UST: variants seen among roughly 807,000 people sequenced by gnomAD.
UST encodes the protein chondroitin sulfate 2-O-sulfotransferase.
A neutral mutation model predicts 45.6 loss-of-function variants in UST; 21 were observed. That is an observed-to-expected ratio of 0.46 (90% confidence interval 0.33 to 0.66). The LOEUF is 0.66. UST is among the 30% of genes least tolerant of loss of function. The pLI, the probability that UST is intolerant of heterozygous loss-of-function variation, is 0.02. For synonymous variants in UST, 215 were observed against 200.6 expected (o/e 1.07, Z -0.61); for missense variants, 463 against 512.4 (o/e 0.90, Z 0.93).
chr6:148,928,917 G>A (rs1779871201), intron 2 of UST, among the ~76,000 whole-genome samples: 1 of 152,212 alleles, frequency 6.6e-6, no homozygotes, highest in Non-Finnish European at 1.5e-5. Flanking sequence ...GTCATTTTAT[G>A]TAGAAAGGAA....
At chr6:148,815,808 A>G (rs1423171318) in intron 1 of UST, among the ~76,000 whole-genome samples, 2 of 152,198 alleles carry the variant, frequency 1.3e-5, no homozygotes, top group African/African-American at 4.8e-5. Flanking sequence ...TCAGATTTAA[A>G]TAGTTGATTA....
rs191090931 is a variant in UST at position 148,765,555 on chromosome 6, A to G, written c.247+17878A>G. ...GCTCTACAAACAATTTGTGTAGTTAATACAATCGTCACAGGGTCCTGAGGT... is the reference window on the plus strand; with the variant it reads ...GCTCTACAAACAATTTGTGTAGTTAGTACAATCGTCACAGGGTCCTGAGGT... On this transcript the variant is annotated intron_variant, in intron 1 of 7. Coordinates refer to ENST00000367463, the MANE Select transcript of UST (RefSeq NM_005715.3). 3.5e-3 allele frequency among the ~76,000 whole-genome samples: 533 copies of G among 152,316 alleles called. 4 individuals are homozygous for G. Among genetic ancestry groups the G allele is most frequent in the Admixed American group, 5.8e-3 (88 of 15,294 alleles).
chr6:148,882,571 G>A (rs1000198676), intron 1 of UST, among the ~76,000 whole-genome samples: 1 of 151,852 alleles, frequency 6.6e-6, no homozygotes, highest in African/African-American at 2.4e-5. Context: ...GAAGGAATGG[G>A]GGAGGAGGAA....
At chr6:148,875,339 A>T (rs1286059366) in intron 1 of UST, among the ~76,000 whole-genome samples, 3 of 152,332 alleles carry the variant, frequency 2.0e-5, no homozygotes, top group Middle Eastern at 6.8e-3. Context: ...TAGTTCAGAT[A>T]ATTGGAAAAA....
intron 2 of UST, among the ~76,000 whole-genome samples, chr6:148,935,728 G>A (rs141268581): frequency 5.8e-4 from 88 of 152,246 alleles, no homozygotes; most frequent in African/African-American, 2.0e-3. Flanking sequence ...TACTTTGACC[G>A]CCTGTGATAT....
intron 3 of UST, among the ~76,000 whole-genome samples, chr6:148,951,912 TCTAA>T (rs1314462382): frequency 3.3e-5 from 5 of 152,348 alleles, no homozygotes; most frequent in African/African-American, 7.2e-5. Flanking sequence ...GTTCTCAAAA[TCTAA>T]CTACTACTAT....
chr6:149,004,991 A>G (rs759554357), intron 5 of UST, among the ~76,000 whole-genome samples: 16 of 131,526 alleles, frequency 1.2e-4, no homozygotes, highest in Non-Finnish European at 1.9e-4. Context: ...ATGAACCACT[A>G]TACCTCCAGC....
chr6:148,806,576 T>C (rs1297275128), intron 1 of UST, among the ~76,000 whole-genome samples: 1 of 151,936 alleles, frequency 6.6e-6, no homozygotes, highest in African/African-American at 2.4e-5. Flanking sequence ...TGACCTCAAG[T>C]GATCTGCCTG....
At chr6:148,765,742 A>G (rs1485508493) in intron 1 of UST, among the ~76,000 whole-genome samples, 1 of 152,116 alleles carries the variant, frequency 6.6e-6, no homozygotes, top group Non-Finnish European at 1.5e-5. Flanking sequence ...AGAAATTATA[A>G]AAGTATTAAT....
chr6:148,949,795 T>A (rs1780328622), intron 3 of UST, among the ~76,000 whole-genome samples: 1 of 152,142 alleles, frequency 6.6e-6, no homozygotes, highest in Admixed American at 6.5e-5. Flanking sequence ...CCTCACAGAA[T>A]TTACATTTCA....
chr6:148,983,138 C>G (rs1295693897), intron 5 of UST, among the ~76,000 whole-genome samples: 1 of 152,194 alleles, frequency 6.6e-6, no homozygotes. Flanking sequence ...AAGGGCTTTT[C>G]GCTTTAAAAA....
chr6:149,036,308 C>T (rs1360732980), intron 7 of UST, among the ~76,000 whole-genome samples: 1 of 152,344 alleles, frequency 6.6e-6, no homozygotes, highest in South Asian at 2.1e-4. Context: ...ACTCCCGAGC[C>T]ATGTCCCTTT....
intron 1 of UST, among the ~76,000 whole-genome samples, chr6:148,789,011 G>A (rs538527544): frequency 5.3e-5 from 8 of 152,284 alleles, no homozygotes; most frequent in African/African-American, 9.6e-5. Context: ...ATGCCTGCCC[G>A]TGAATGATAC....
In UST at chr6:148,896,527, A is replaced by T. The variant is rs140876578; in HGVS notation, c.291+9498A>T. Reference sequence around the variant, plus strand: ...ATGTGGTAAAAACCCACATTGTCTGATTTTCTTTGAAAAACAAAGAACTGG... The same window carrying T: ...ATGTGGTAAAAACCCACATTGTCTGTTTTTCTTTGAAAAACAAAGAACTGG... On this transcript the variant is annotated intron_variant, in intron 2 of 7. Coordinates refer to ENST00000367463, the MANE Select transcript of UST (RefSeq NM_005715.3). 3.0e-3 allele frequency among the ~76,000 whole-genome samples: 462 copies of T among 152,266 alleles called. 3 individuals are homozygous for T. The highest frequency in any genetic ancestry group is 0.011 in the African/African-American group (447 of 41,562).
intron 7 of UST, among the ~76,000 whole-genome samples, chr6:149,056,926 G>A (rs1489802552): frequency 6.6e-6 from 1 of 152,132 alleles, no homozygotes; most frequent in Non-Finnish European, 1.5e-5. Context: ...CGGCCTCCAT[G>A]AACAGCTGCT....
At chr6:148,819,014 A>C (rs1392324546) in intron 1 of UST, among the ~76,000 whole-genome samples, 1 of 152,180 alleles carries the variant, frequency 6.6e-6, no homozygotes, top group African/African-American at 2.4e-5. Flanking sequence ...GAAAAAAATG[A>C]GTTCAGACCT....
At chr6:148,881,190 T>A (rs922497340) in intron 1 of UST, among the ~76,000 whole-genome samples, 1 of 152,164 alleles carries the variant, frequency 6.6e-6, no homozygotes, top group Non-Finnish European at 1.5e-5. Context: ...TTTTGTCTCC[T>A]CCGCTTACCT....
intron 1 of UST, among the ~76,000 whole-genome samples, chr6:148,813,131 T>G (rs1278662512): frequency 2.0e-5 from 3 of 152,198 alleles, no homozygotes; most frequent in Admixed American, 2.0e-4. Context: ...TTTTATGTAA[T>G]TATTCTTATG....
chr6:148,918,369 A>G (rs930420469), intron 2 of UST, among the ~76,000 whole-genome samples: 2 of 152,326 alleles, frequency 1.3e-5, no homozygotes, highest in East Asian at 3.9e-4. Flanking sequence ...CTTTTCCCCC[A>G]GCCTATCTCT....
Sources: allele counts gnomAD v4.1 joint callset (sites outside exome capture counted in the v4.1 genomes callset), GRCh38; gene constraint gnomAD v4.1.1; transcripts MANE v1.5; gene names NCBI Gene and HGNC (gene_info 2026-07-23, HGNC 2026-07-21).